The following PIGT variants were observed in gnomAD, a reference collection of about 807,000 sequenced individuals.
The protein encoded by PIGT is phosphatidylinositol glycan anchor biosynthesis class T.
PIGT carries 57 observed loss-of-function variants against 66.7 expected under a neutral mutation model. That is an observed-to-expected ratio of 0.86 (90% CI 0.69 to 1.07). The LOEUF is 1.07. Ranked by LOEUF, PIGT falls within the 50% of genes least tolerant of loss-of-function variation. PIGT has a pLI of 0.00. For missense variants in PIGT, 725 were observed against 740.4 expected (o/e 0.98, Z 0.24); for synonymous variants, 362 against 320.5 (o/e 1.13, Z -1.38).
At chr20:45,420,863 A>C (rs1600813354) in intron 8 of PIGT, 170 bp downstream of exon 8, 1 of 655,572 alleles carries the variant, frequency 1.5e-6, no homozygotes, top group Non-Finnish European at 2.7e-6. Flanking sequence ...AGGTTCCTAA[A>C]CTCCCCAAGC....
rs745641805 is a variant in PIGT at position 45,420,549 on chromosome 20, C to G, written c.889C>G (p.His297Asp). The G allele has an allele frequency of 1.9e-6, 3 of 1,613,786 alleles. No individual in the cohort carries two copies. In the Admixed American group the frequency reaches 5.0e-5, roughly 27 times the overall value. ...CCAGGACAACGAGACATTAGAGGTG[C>G]ACCCACCCCCGACCACTACATATCA... ...YNQDNETLEV[H>D]PPPTTTYQDV... Residue 297 changes from histidine (H) to aspartate (D), a missense_variant, in exon 8 of 12, where the codon CAC (histidine) becomes GAC (aspartate). Coordinates refer to ENST00000279036, the MANE Select transcript of PIGT (RefSeq NM_015937.6).
chr20:45,424,892 A>G (rs1195067436), intron 11 of PIGT: 4 of 385,932 alleles, frequency 1.0e-5, no homozygotes, highest in African/African-American at 8.1e-5. Context: ...GCAAGATTAA[A>G]CAAAACAGAC....
At chr20:45,420,248 G>A in intron 6 of PIGT, 25 bp downstream of exon 6, 4 of 1,601,070 alleles carry the variant, frequency 2.5e-6, no homozygotes, top group African/African-American at 1.3e-5. Flanking sequence ...CAACTCATCT[G>A]TACCCACCCA....
intron 5 of PIGT, 30 bp from the exon 6 acceptor site, chr20:45,420,106 C>G (rs1450629353): frequency 1.3e-6 from 2 of 1,520,644 alleles, no homozygotes; most frequent in Non-Finnish European, 1.8e-6. Context: ...GTGATACCCC[C>G]TCACTGCTGC....
At chr20:45,418,161 T>A (rs542209316) in intron 2 of PIGT, 4 of 153,072 alleles carry the variant, frequency 2.6e-5, no homozygotes, top group South Asian at 2.1e-4. Context: ...CCATGTTCAG[T>A]GAGCTTTTTT....
chr20:45,426,142 T>G lies in PIGT; in HGVS notation c.*316T>G. On this transcript the variant is annotated 3_prime_UTR_variant, in exon 12 of 12. Coordinates refer to ENST00000279036, the MANE Select transcript of PIGT (RefSeq NM_015937.6). ...TTTCCATCACCACAGAAAGGTCGGC[T>G]GGCAGCACTGGCCAAGGTGATGGGG... is the stretch of plus-strand genomic sequence containing the variant. The G allele has an allele frequency of 2.5e-6, 1 of 406,176 alleles. No homozygotes were observed. Among genetic ancestry groups the G allele is most frequent in the Non-Finnish European group, 4.5e-6 (1 of 220,880 alleles). The allele number at this position is 406,176 out of a possible 1,614,324, so 25.2% of individuals were successfully genotyped here. A position where few individuals can be genotyped will look rare whatever the true frequency, so the allele number is the denominator to read the frequency against.
intron 2 of PIGT, 74 bp from the exon 3 acceptor site, chr20:45,418,778 C>A: frequency 6.4e-7 from 1 of 1,572,466 alleles, no homozygotes; most frequent in Non-Finnish European, 8.7e-7. Context: ...ATAGGTTTAG[C>A]AGCCAGCTGT....
intron 2 of PIGT, chr20:45,417,676 C>G (rs75067104): frequency 6.6e-6 from 1 of 152,204 alleles, no homozygotes; most frequent in Non-Finnish European, 1.5e-5. Flanking sequence ...TGAAAATTGG[C>G]AAATTCAAAT....
At chr20:45,425,414 A>C in intron 11 of PIGT, 160 bp from the exon 12 acceptor site, 1 of 407,966 alleles carries the variant, frequency 2.5e-6, no homozygotes, top group South Asian at 2.5e-5. Flanking sequence ...GCTCCCCTTT[A>C]TCAGGTTTAG....
At position 45,419,423 on chromosome 20, in the gene PIGT, G is replaced by C. The variant is rs1035548150; in HGVS notation, c.594+28G>C. On this transcript the variant is annotated intron_variant, in intron 4 of 11. Coordinates refer to ENST00000279036, the MANE Select transcript of PIGT (RefSeq NM_015937.6). Reference sequence around the variant, plus strand: ...GAGGCCGCAGAGCCTGGCAGCCGGGGGCGGGGGGTGTATAGAGAACCTGCG... The same window carrying C: ...GAGGCCGCAGAGCCTGGCAGCCGGGCGCGGGGGGTGTATAGAGAACCTGCG... 20 of 1,573,566 alleles carry C rather than the reference G, an allele frequency of 1.3e-5. No individual in the cohort carries two copies. The South Asian group carries it at 2.1e-4, about 17-fold the overall frequency.
chr20:45,418,833 G>C lies in PIGT; in HGVS notation c.366-19G>C. On this transcript the variant is annotated intron_variant, in intron 2 of 11. Coordinates refer to ENST00000279036, the MANE Select transcript of PIGT (RefSeq NM_015937.6). ...AGAGGTAGCCCCAGGACAGTGAGTG[G>C]ATTTGTGTCTCTATCCAGTGTGGAT... The C allele has an allele frequency of 1.2e-6, 2 of 1,613,024 alleles. No individual in the cohort carries two copies. Among genetic ancestry groups the C allele is most frequent in the Non-Finnish European group, 1.7e-6 (2 of 1,179,318 alleles).
Position 45,425,802 on chromosome 20 carries a change from C to A in PIGT, c.1713C>A (p.Arg571=), listed in dbSNP as rs749317377. Residue 571 remains arginine, a synonymous_variant, in exon 12 of 12, where the codon CGC becomes CGA. Coordinates refer to ENST00000279036, the MANE Select transcript of PIGT (RefSeq NM_015937.6). ...AGCGGCTGGCCAACCTTATCCGGCGCGCCCGAGGTGTCCCCCCACTCTGAT... is the reference window on the plus strand; with the variant it reads ...AGCGGCTGGCCAACCTTATCCGGCGAGCCCGAGGTGTCCCCCCACTCTGAT... ...LAKRLANLIR[R]ARGVPPL is the part of the protein sequence containing the mutation. 2.5e-6 allele frequency: 4 copies of A among 1,613,814 alleles called. No homozygotes were observed. The Admixed American group carries it at 6.7e-5, about 27-fold the overall frequency.
At position 45,419,584 on chromosome 20, in the gene PIGT, T is replaced by C. The variant is rs147475258; in HGVS notation, c.675T>C (p.Val225=). The change falls in exon 5 of 12, where the codon GTT becomes GTC. Residue 225 remains valine (V), a synonymous_variant. Transcript: ENST00000279036. ...CCCAGGCAGTGCATATCCGCCCTGT[T>C]TGCAGAGTAAGTCATGGGGAGTAGA... ...YHSQAVHIRP[V]CRNARCTSIS... The C allele has an allele frequency of 2.4e-3, 3,908 of 1,611,642 alleles. 9 individuals are homozygous for C. Among genetic ancestry groups the C allele is most frequent in the Non-Finnish European group, 3.0e-3 (3,574 of 1,177,726 alleles).
At chr20:45,418,229 A>G (rs1990111429) in intron 2 of PIGT, 1 of 159,538 alleles carries the variant, frequency 6.3e-6, no homozygotes, top group Non-Finnish European at 1.4e-5. Context: ...TTCCCAGAGT[A>G]TACACAGGGT....
At chr20:45,419,422 G>GGGT (rs1767556145) in intron 4 of PIGT, 27 bp downstream of exon 4, 2 of 1,572,794 alleles carry the variant, frequency 1.3e-6, no homozygotes, top group Admixed American at 1.8e-5. Flanking sequence ...TGGCAGCCGG[G>GGGT]GGCGGGGGGT....
intron 9 of PIGT, chr20:45,423,832 T>C (rs556591442): frequency 3.8e-5 from 9 of 237,326 alleles, no homozygotes; most frequent in South Asian, 6.7e-5. Flanking sequence ...ATATTTCTTG[T>C]GTGTTGGTGG....
In PIGT at chr20:45,418,892, G is replaced by T. The variant is rs1278971343; in HGVS notation, c.406G>T (p.Gly136Trp). ...GAAGGAGCTCAGTAATGTCCTCTCA[G>T]GGATCTTCTGCGCCTCTCTCAACTT... ...SWKELSNVLSGIFCASLNFID... is the reference protein window; with the variant it reads ...SWKELSNVLSWIFCASLNFID... Residue 136 changes from glycine (G) to tryptophan (W), a missense_variant, in exon 3 of 12, where the codon GGG becomes TGG. By Grantham distance (184) the Gly-to-Trp change is radical (BLOSUM62 -2). Coordinates refer to ENST00000279036, the MANE Select transcript of PIGT (RefSeq NM_015937.6). 5.0e-6 allele frequency: 8 copies of T among 1,613,962 alleles called. No homozygotes were observed. In the South Asian group the frequency reaches 8.8e-5, roughly 18 times the overall value.
intron 11 of PIGT, chr20:45,425,135 T>TTCTCTC (rs1330084984): frequency 2.1e-5 from 3 of 140,670 alleles, no homozygotes; most frequent in African/African-American, 5.6e-5. Context: ...CTCTCTTTCT[T>TTCTCTC]TCTTTCTCTT....
Position 45,419,324 on chromosome 20 carries a change from G to A in PIGT, c.523G>A (p.Val175Met). 4.3e-6 allele frequency: 7 copies of A among 1,614,144 alleles called. No homozygotes were observed. The Middle Eastern group carries it at 8.2e-4, about 190-fold the overall frequency. ...TGACCACTACTTTCTGCGCTATGCT[G>A]TGCTGCCGCGGGAGGTGGTCTGCAC... ...DTDHYFLRYA[V>M]LPREVVCTEN... is the part of the protein sequence containing the mutation. The change falls in exon 4 of 12, where the codon GTG (valine) becomes ATG (methionine). Residue 175 changes from valine (V) to methionine (M), a missense_variant. Coordinates refer to ENST00000279036, the MANE Select transcript of PIGT (RefSeq NM_015937.6).
Sources: gnomAD v4.1 joint callset for allele counts on GRCh38, gnomAD v4.1.1 for gene constraint, MANE v1.5 for transcripts, NCBI Gene and HGNC (gene_info 2026-07-23, HGNC 2026-07-21) for gene names.